Variants in PRDM16 observed in about 807,000 individuals in gnomAD.
PRDM16 encodes the protein PR/SET domain 16, also known as histone-lysine N-methyltransferase PRDM16.
Under a neutral mutation model 110.6 loss-of-function variants are expected in PRDM16, and 23 were observed. That is an observed-to-expected ratio of 0.21 (90% CI 0.15 to 0.29). The LOEUF (loss-of-function observed/expected upper bound fraction) is 0.29. PRDM16 is among the 10% of genes least tolerant of loss of function. PRDM16 has a pLI of 1.00. For missense variants in PRDM16, 1,615 were observed against 1,794.3 expected, an observed-to-expected ratio of 0.90 and a Z score of 1.81; for synonymous variants, 799 against 781.8, an observed-to-expected ratio of 1.02 and a Z score of -0.37.
At chr1:3,095,637 C>T (rs1642378649) in intron 1 of PRDM16, among the ~76,000 whole-genome samples, 2 of 152,132 alleles carry the variant, frequency 1.3e-5, no homozygotes, top group Admixed American at 6.5e-5. Flanking sequence ...CCTAGGGACC[C>T]CTGTGCTGCC....
chr1:3,181,549 C>CGGTCTT lies in PRDM16; in HGVS notation c.38-4576_38-4575insGGTCTT, dbSNP rs1448190304. Among the ~76,000 whole-genome samples, 13 of 1,352 alleles carry CGGTCTT rather than the reference C, an allele frequency of 9.6e-3. 4 individuals are homozygous for CGGTCTT. Among genetic ancestry groups the CGGTCTT allele is most frequent in the Admixed American group, 0.022 (2 of 90 alleles). The allele number at this position is 1,352 out of a possible 152,430, so 0.9% of individuals were successfully genotyped here. On this transcript the variant is annotated intron_variant, in intron 1 of 16. Coordinates refer to ENST00000270722, the MANE Select transcript of PRDM16 (RefSeq NM_022114.4). ...AAGCGGTCTTACACACGGTCTTACA[C>CGGTCTT]ACGCAGTCTTACACACGCAGTCTTA...
At chr1:3,134,233 G>C (rs985995430) in intron 1 of PRDM16, among the ~76,000 whole-genome samples, 1 of 152,216 alleles carries the variant, frequency 6.6e-6, no homozygotes, top group African/African-American at 2.4e-5. Context: ...ACAGAGAGGG[G>C]ATTGTGTGGA....
chr1:3,140,148 C>T (rs1208196629), intron 1 of PRDM16, among the ~76,000 whole-genome samples: 1 of 152,262 alleles, frequency 6.6e-6, no homozygotes, highest in African/African-American at 2.4e-5. Flanking sequence ...CCAACATCGG[C>T]AGCACCCGAA....
intron 7 of PRDM16, 83 bp from the exon 8 acceptor site, chr1:3,405,412 C>A (rs1020177340): frequency 6.1e-5 from 88 of 1,439,816 alleles, no homozygotes; most frequent in Middle Eastern, 2.4e-4. Flanking sequence ...CCCTGCCCCC[C>A]ACAGCCGGTT....
chr1:3,301,569 G>T (rs1421805074), intron 3 of PRDM16, among the ~76,000 whole-genome samples: 9 of 152,140 alleles, frequency 5.9e-5, no homozygotes, highest in Admixed American at 5.9e-4. Context: ...CACCTCTGGC[G>T]GAGCCCAGCT....
intron 3 of PRDM16, among the ~76,000 whole-genome samples, chr1:3,270,350 A>G (rs1177246849): frequency 7.3e-6 from 1 of 137,326 alleles, no homozygotes; most frequent in East Asian, 2.0e-4. Flanking sequence ...GGAAGAGGAC[A>G]GTCCCGGAGG....
At chr1:3,118,554 C>CA (rs1643021456) in intron 1 of PRDM16, among the ~76,000 whole-genome samples, 1 of 152,208 alleles carries the variant, frequency 6.6e-6, no homozygotes, top group African/African-American at 2.4e-5. Flanking sequence ...CCCAGGTCTC[C>CA]ATGAAGATGA....
chr1:3,083,856 A>T (rs1346877776), intron 1 of PRDM16, among the ~76,000 whole-genome samples: 1 of 152,162 alleles, frequency 6.6e-6, no homozygotes, highest in Admixed American at 6.5e-5. Flanking sequence ...TGCAGGAGAG[A>T]GGGGCTTCAC....
chr1:3,227,790 G>T (rs970260367), intron 2 of PRDM16, among the ~76,000 whole-genome samples: 1 of 152,212 alleles, frequency 6.6e-6, no homozygotes, highest in African/African-American at 2.4e-5. Flanking sequence ...CTTGCAGGGG[G>T]TGGCCGGGTC....
intron 3 of PRDM16, among the ~76,000 whole-genome samples, chr1:3,363,545 C>T (rs576926758): frequency 6.6e-6 from 1 of 152,290 alleles, no homozygotes; most frequent in East Asian, 1.9e-4. Flanking sequence ...TTTCTTGGGG[C>T]ATCCTGAGTG....
intron 1 of PRDM16, among the ~76,000 whole-genome samples, chr1:3,155,913 A>G (rs1314746202): frequency 6.6e-6 from 1 of 152,218 alleles, no homozygotes; most frequent in Non-Finnish European, 1.5e-5. Context: ...TCTTTAAATT[A>G]ATAATGCGTA....
intron 1 of PRDM16, among the ~76,000 whole-genome samples, chr1:3,180,715 A>AGGGGT (rs879778869): frequency 0.068 from 10,257 of 151,858 alleles, 481 homozygotes; most frequent in East Asian, 0.2. Context: ...CAGACGGGAG[A>AGGGGT]CCCTTCCTCC....
intron 2 of PRDM16, among the ~76,000 whole-genome samples, chr1:3,235,899 G>A (rs1371968273): frequency 3.9e-5 from 6 of 152,336 alleles, no homozygotes; most frequent in South Asian, 4.1e-4. Flanking sequence ...CGAGCATGGC[G>A]GGGGAGTGGG....
rs200031010 is a variant in PRDM16 at position 3,176,498 on chromosome 1, CCACCCACCCATTGATT to C, written c.38-9615_38-9600del. ...CACCAGGCTGCATCCATCCATCCATCCACCCACCCATTGATTCACCCACCCATCCATTCATCCATTC... is the reference window on the plus strand; with the variant it reads ...CACCAGGCTGCATCCATCCATCCATCCACCCACCCATCCATTCATCCATTC... On this transcript the variant is annotated intron_variant, in intron 1 of 16. Coordinates refer to ENST00000270722, the MANE Select transcript of PRDM16 (RefSeq NM_022114.4). Among the ~76,000 whole-genome samples, 314 of 152,112 alleles carry C rather than the reference CCACCCACCCATTGATT, an allele frequency of 2.1e-3. 7 individuals carry two copies. In the East Asian group the frequency reaches 0.055, roughly 27 times the overall value.
intron 3 of PRDM16, among the ~76,000 whole-genome samples, chr1:3,336,613 T>C (rs924493446): frequency 1.3e-5 from 2 of 150,758 alleles, no homozygotes; most frequent in Admixed American, 6.6e-5. Context: ...TTGGTGTGAG[T>C]CTGTGAGTGC....
chr1:3,092,633 G>T (rs1164550923), intron 1 of PRDM16, among the ~76,000 whole-genome samples: 1 of 152,222 alleles, frequency 6.6e-6, no homozygotes, highest in Admixed American at 6.5e-5. Flanking sequence ...CATCCTCAGG[G>T]CTCTGTGGAG....
intron 1 of PRDM16, among the ~76,000 whole-genome samples, chr1:3,118,811 G>A (rs1377289664): frequency 6.6e-6 from 1 of 152,244 alleles, no homozygotes. Flanking sequence ...AAGTGTGTGT[G>A]CACGTGCATG....
chr1:3,376,819 G>T (rs115193217), intron 3 of PRDM16, among the ~76,000 whole-genome samples: 1 of 139,360 alleles, frequency 7.2e-6, no homozygotes, highest in Admixed American at 7.4e-5. Context: ...CTTGCTGACC[G>T]CCGACCAGGC....
At chr1:3,295,253 C>T (rs942862989) in intron 3 of PRDM16, among the ~76,000 whole-genome samples, 3 of 152,208 alleles carry the variant, frequency 2.0e-5, no homozygotes, top group Non-Finnish European at 4.4e-5. Context: ...GGCAGGACAG[C>T]TGGCTTGCAG....
Sources: gnomAD v4.1 joint callset for allele counts (sites outside exome capture counted in the v4.1 genomes callset) on GRCh38, gnomAD v4.1.1 for gene constraint, MANE v1.5 for transcripts, NCBI Gene and HGNC (gene_info 2026-07-23, HGNC 2026-07-21) for gene names.